Variants in SGCZ observed in about 807,000 individuals in gnomAD.
The protein encoded by SGCZ is zeta-sarcoglycan.
In SGCZ, 40 loss-of-function variants were observed where a neutral mutation model predicts 41.3. That is an observed-to-expected ratio of 0.97 (90% CI 0.75 to 1.26). The LOEUF is 1.26. Among genes scored for constraint, SGCZ ranks in the 50% most tolerant of loss-of-function variants. The pLI, the probability that SGCZ is intolerant of heterozygous loss-of-function variation, is 0.00. For synonymous variants in SGCZ, 206 were observed against 137.5 expected (o/e 1.50, Z -3.49); for missense variants, 552 against 369.8 (o/e 1.49, Z -4.04).
At chr8:14,557,430 T>C (rs1460542381) in intron 1 of SGCZ, among the ~76,000 whole-genome samples, 1 of 152,104 alleles carries the variant, frequency 6.6e-6, no homozygotes, top group Non-Finnish European at 1.5e-5. Flanking sequence ...CTCTTCAATT[T>C]AAGTCCTAGC....
chr8:14,898,048 G>A (rs1585360011), intron 1 of SGCZ, among the ~76,000 whole-genome samples: 1 of 151,772 alleles, frequency 6.6e-6, no homozygotes, highest in Non-Finnish European at 1.5e-5. Flanking sequence ...TGTTTAGTAT[G>A]TTTATACTGG....
At chr8:14,220,786 A>AAAAC (rs78591142) in intron 4 of SGCZ, among the ~76,000 whole-genome samples, 15,422 of 150,756 alleles carry the variant, frequency 0.1, 837 homozygotes, top group Middle Eastern at 0.15. Flanking sequence ...TACTCTGCCA[A>AAAAC]AAACAAACAA....
In SGCZ at chr8:14,792,034, G is replaced by C. The variant is rs572597032; in HGVS notation, c.40-237108C>G. Among the ~76,000 whole-genome samples, 5 of 152,268 alleles carry C rather than the reference G, an allele frequency of 3.3e-5. No individual in the cohort carries two copies. The South Asian group carries it at 1.0e-3, about 32-fold the overall frequency. On this transcript the variant is annotated intron_variant, in intron 1 of 7. Transcript: ENST00000382080. ...CATAAGGCCGTCTAGCATGTTCTCA[G>C]TAGTGTGATTAAAAACAGTTGCCAA...
chr8:14,437,985 C>T (rs966229809), intron 2 of SGCZ, among the ~76,000 whole-genome samples: 2 of 151,818 alleles, frequency 1.3e-5, no homozygotes, highest in Non-Finnish European at 2.9e-5. Flanking sequence ...CAAATAGCCT[C>T]CGAGAAATTT....
intron 1 of SGCZ, among the ~76,000 whole-genome samples, chr8:14,638,140 T>C (rs1337254910): frequency 6.6e-6 from 1 of 151,896 alleles, no homozygotes; most frequent in African/African-American, 2.4e-5. Context: ...ACTTAACTAG[T>C]CAAGTTGAAC....
In SGCZ at chr8:14,086,840, TCA is replaced by T. The variant is rs1426358896; in HGVS notation, c.*3601_*3602del. Among the ~76,000 whole-genome samples the T allele has an allele frequency of 6.6e-6, 1 of 151,704 alleles. No individual in the cohort carries two copies. Among genetic ancestry groups the T allele is most frequent in the Non-Finnish European group, 1.5e-5 (1 of 67,744 alleles). On this transcript the variant is annotated 3_prime_UTR_variant, in exon 8 of 8. Coordinates refer to ENST00000382080, the MANE Select transcript of SGCZ (RefSeq NM_139167.4). ...GCAGAAGGAGATCACAAATGCTAGT[TCA>T]GATATGGCTACTTAACCTAAGATTT...
At chr8:14,117,691 C>T (rs1802567844) in intron 5 of SGCZ, among the ~76,000 whole-genome samples, 1 of 151,514 alleles carries the variant, frequency 6.6e-6, no homozygotes, top group African/African-American at 2.4e-5. Flanking sequence ...CCCATCAACC[C>T]ATCATCTACA....
At chr8:14,117,427 T>TGTGG (rs1162394472) in intron 5 of SGCZ, among the ~76,000 whole-genome samples, 4 of 150,174 alleles carry the variant, frequency 2.7e-5, no homozygotes, top group African/African-American at 9.8e-5. Flanking sequence ...TGTGTGTGTG[T>TGTGG]GTGTGTGTGT....
intron 5 of SGCZ, 150 bp from the exon 6 acceptor site, chr8:14,108,385 A>G: frequency 1.5e-6 from 1 of 647,944 alleles, no homozygotes. Context: ...CTGCTGATAA[A>G]GACATATCCG....
intron 1 of SGCZ, among the ~76,000 whole-genome samples, chr8:14,750,980 T>C (rs1799480098): frequency 6.6e-6 from 1 of 152,180 alleles, no homozygotes. Context: ...AATTGAAGCA[T>C]TGTTATGAAC....
chr8:14,928,792 G>A (rs752382350), intron 1 of SGCZ, among the ~76,000 whole-genome samples: 32 of 152,124 alleles, frequency 2.1e-4, no homozygotes, highest in Non-Finnish European at 4.3e-4. Context: ...ACAGCTTTGC[G>A]TATGTAATTT....
intron 2 of SGCZ, among the ~76,000 whole-genome samples, chr8:14,386,904 A>G (rs1292759976): frequency 6.6e-6 from 1 of 152,184 alleles, no homozygotes; most frequent in Non-Finnish European, 1.5e-5. Context: ...TGAATCTTGT[A>G]TTTTGAATTA....
At chr8:15,012,113 C>A (rs572852844) in intron 1 of SGCZ, among the ~76,000 whole-genome samples, 97 of 152,138 alleles carry the variant, frequency 6.4e-4, no homozygotes, top group Non-Finnish European at 1.0e-3. Context: ...ACAATATTTT[C>A]TGATTATACT....
At chr8:14,851,211 T>C (rs1381178561) in intron 1 of SGCZ, among the ~76,000 whole-genome samples, 1 of 150,864 alleles carries the variant, frequency 6.6e-6, no homozygotes, top group Non-Finnish European at 1.5e-5. Context: ...TTACTAAAAA[T>C]ACAAAAAATT....
chr8:14,545,539 T>C (rs570164164), intron 2 of SGCZ, among the ~76,000 whole-genome samples: 1 of 152,258 alleles, frequency 6.6e-6, no homozygotes, highest in Non-Finnish European at 1.5e-5. Flanking sequence ...ATTTAAGATA[T>C]ACTATATGCT....
At chr8:15,113,161 A>G (rs1807135194) in intron 1 of SGCZ, among the ~76,000 whole-genome samples, 1 of 151,496 alleles carries the variant, frequency 6.6e-6, no homozygotes, top group Non-Finnish European at 1.5e-5. Flanking sequence ...GTGAGCCATA[A>G]TCACGCCACT....
At chr8:15,128,191 G>A (rs1361901955) in intron 1 of SGCZ, among the ~76,000 whole-genome samples, 1 of 152,034 alleles carries the variant, frequency 6.6e-6, no homozygotes, top group Non-Finnish European at 1.5e-5. Flanking sequence ...TTCATCCACT[G>A]GTGGGAAGAA....
At chr8:14,456,125 T>G (rs1484916778) in intron 2 of SGCZ, among the ~76,000 whole-genome samples, 1 of 152,068 alleles carries the variant, frequency 6.6e-6, no homozygotes, top group Non-Finnish European at 1.5e-5. Flanking sequence ...TTTGCAGAGG[T>G]AGGACACGCA....
At chr8:14,780,515 G>C (rs1036158861) in intron 1 of SGCZ, among the ~76,000 whole-genome samples, 1 of 151,894 alleles carries the variant, frequency 6.6e-6, no homozygotes, top group African/African-American at 2.4e-5. Context: ...GTATCTACTA[G>C]GTCATGTAAC....
Sources: allele counts gnomAD v4.1 joint callset (sites outside exome capture counted in the v4.1 genomes callset), GRCh38; gene constraint gnomAD v4.1.1; transcripts MANE v1.5; gene names NCBI Gene and HGNC (gene_info 2026-07-23, HGNC 2026-07-21).